The following ATP2B2 variants were observed in gnomAD, a reference collection of about 807,000 sequenced individuals.
ATP2B2 encodes ATPase plasma membrane Ca2+ transporting 2.
A neutral mutation model predicts 120.0 loss-of-function variants in ATP2B2; 15 were observed. The observed-to-expected ratio is 0.12, with a 90% CI of 0.08 to 0.19. The LOEUF is 0.19. Among genes scored for constraint, ATP2B2 ranks in the 10% least tolerant of loss-of-function variants. The pLI is 1.00. For missense variants in ATP2B2, 1,045 were observed against 1,719.8 expected, an observed-to-expected ratio of 0.61 and a Z score of 6.94; for synonymous variants, 694 against 700.3, an observed-to-expected ratio of 0.99 and a Z score of 0.14.
rs772900118 is a variant in ATP2B2, at chr3:10,358,807, C to T, written c.2020G>A (p.Val674Met). 17 of 1,614,134 alleles carry T rather than the reference C, an allele frequency of 1.1e-5. No individual in the cohort carries two copies. The highest frequency in any genetic ancestry group is 5.5e-5 in the South Asian group (5 of 91,090). Residue 674 changes from valine (V) to methionine (M), a missense_variant, in exon 14 of 23, where the codon GTG becomes ATG. Val to Met is a conservative substitution (Grantham distance 21, BLOSUM62 1). Around this residue, in one of 11 missense-constraint regions of ATP2B2, gnomAD observed 343 missense variants for 536.8 expected, o/e 0.64. Coordinates refer to ENST00000360273, the MANE Select transcript of ATP2B2 (RefSeq NM_001001331.4). Reference protein sequence around the residue: ...MACDGLRTICVAYRDFPSSPE... With the variant: ...MACDGLRTICMAYRDFPSSPE... ...CTGCTGGGGAAGTCGCGGTAGGCCA[C>T]GCAGATAGTGCGGAGCCCATCGCAA...
chr3:10,545,703 T>C (rs1031559066), intron 2 of ATP2B2, among the ~76,000 whole-genome samples: 1 of 152,216 alleles, frequency 6.6e-6, no homozygotes, highest in Non-Finnish European at 1.5e-5. Flanking sequence ...AAGATGTTCA[T>C]CATGGTGTTC....
In ATP2B2 at chr3:10,645,062, G is replaced by A. The variant is rs548885664; in HGVS notation, c.-459-25101C>T. ...TGTTGAATGCAAGTTATTCTCAAAT[G>A]GTTTAGGAAAAAAATACTACGTATG... On this transcript the variant is annotated intron_variant, in intron 1 of 21. Coordinates refer to the ATP2B2 transcript ENST00000646379. Among the ~76,000 whole-genome samples, 3 of 152,078 alleles carry A rather than the reference G, an allele frequency of 2.0e-5. No individual in the cohort carries two copies. The South Asian group carries it at 6.2e-4, about 32-fold the overall frequency.
chr3:10,474,027 A>C (rs2065113084), intron 1 of ATP2B2, among the ~76,000 whole-genome samples: 2 of 152,082 alleles, frequency 1.3e-5, no homozygotes, highest in African/African-American at 4.8e-5. Context: ...TGAGATTGAG[A>C]GCAGGGAGGA....
chr3:10,678,598 G>A (rs542544090), intron 1 of ATP2B2, among the ~76,000 whole-genome samples: 5 of 152,312 alleles, frequency 3.3e-5, no homozygotes, highest in Admixed American at 2.0e-4. Flanking sequence ...AAGCCTGGGG[G>A]CCTCTCAGAA....
At chr3:10,624,291 A>G (rs569091409) in intron 1 of ATP2B2, among the ~76,000 whole-genome samples, 1 of 152,280 alleles carries the variant, frequency 6.6e-6, no homozygotes, top group African/African-American at 2.4e-5. Context: ...TAACGTGTGG[A>G]ATTTCACCCC....
intron 2 of ATP2B2, 65 bp downstream of exon 2, chr3:10,449,280 C>T: frequency 6.4e-7 from 1 of 1,554,286 alleles, no homozygotes; most frequent in Non-Finnish European, 8.9e-7. Context: ...GAATATGGTC[C>T]CTGTGGCCAA....
chr3:10,661,276 G>C (rs6442195), intron 1 of ATP2B2, among the ~76,000 whole-genome samples: 33,011 of 151,380 alleles, frequency 0.22, 6,046 homozygotes, highest in African/African-American at 0.5. Context: ...AGAAATAAAG[G>C]GTATTCAATT....
intron 1 of ATP2B2, among the ~76,000 whole-genome samples, chr3:10,669,993 A>G (rs1438080811): frequency 2.0e-5 from 3 of 152,262 alleles, no homozygotes; most frequent in African/African-American, 7.2e-5. Flanking sequence ...TCTGGACTCA[A>G]AAGAAAATTA....
chr3:10,698,833 G>T (rs1418827967), intron 1 of ATP2B2, among the ~76,000 whole-genome samples: 1 of 152,224 alleles, frequency 6.6e-6, no homozygotes, highest in Non-Finnish European at 1.5e-5. Flanking sequence ...TTGCTCCTCT[G>T]TAAAATGGGG....
intron 2 of ATP2B2, among the ~76,000 whole-genome samples, chr3:10,427,766 A>G (rs1350234075): frequency 6.6e-6 from 1 of 152,126 alleles, no homozygotes; most frequent in East Asian, 1.9e-4. Flanking sequence ...TTCTTTTTCC[A>G]GGCCTGGTCT....
chr3:10,588,495 G>A (rs911327399), intron 2 of ATP2B2, among the ~76,000 whole-genome samples: 9 of 152,252 alleles, frequency 5.9e-5, no homozygotes, highest in Admixed American at 2.6e-4. Context: ...TTCCACGGCC[G>A]GGCACTGAGG....
chr3:10,338,051 C>A lies in ATP2B2; in HGVS notation c.3420+125G>T, dbSNP rs1028683225. The A allele has an allele frequency of 5.4e-6, 7 of 1,292,104 alleles. No homozygotes were observed. In the African/African-American group the frequency reaches 1.0e-4, roughly 19 times the overall value. The allele number at this position is 1,292,104 out of a possible 1,614,324, so 80.0% of individuals were successfully genotyped here. ...AGTGGCTGGTGAGAGCTGGCCGGGA[C>A]CCCTCTGTAGCCACCCTCCCTCAGC... On this transcript the variant is annotated intron_variant, in intron 22 of 22. Transcript: ENST00000360273.
At chr3:10,554,410 G>A (rs118111888) in intron 2 of ATP2B2, among the ~76,000 whole-genome samples, 2,996 of 152,224 alleles carry the variant, frequency 0.02, 51 homozygotes, top group Admixed American at 0.04. Context: ...GTGTCTCACC[G>A]CTGACTTTAA....
intron 1 of ATP2B2, among the ~76,000 whole-genome samples, chr3:10,624,047 C>T (rs920753875): frequency 8.5e-5 from 13 of 152,200 alleles, no homozygotes; most frequent in African/African-American, 3.1e-4. Flanking sequence ...CAAGAAGCTT[C>T]CTGTAGCTCC....
intron 2 of ATP2B2, among the ~76,000 whole-genome samples, chr3:10,582,566 C>G (rs1217405676): frequency 6.6e-6 from 1 of 152,170 alleles, no homozygotes; most frequent in Non-Finnish European, 1.5e-5. Context: ...GAATCCTGCA[C>G]GTGTGGTTGG....
intron 1 of ATP2B2, among the ~76,000 whole-genome samples, chr3:10,451,887 T>C (rs1383847149): frequency 6.6e-6 from 1 of 152,230 alleles, no homozygotes; most frequent in Admixed American, 6.5e-5. Context: ...AATACTCCCC[T>C]GCCATTTCTT....
chr3:10,629,768 C>G (rs917600492), intron 1 of ATP2B2, among the ~76,000 whole-genome samples: 3 of 152,258 alleles, frequency 2.0e-5, no homozygotes, highest in African/African-American at 7.2e-5. Context: ...TTTCCCACTT[C>G]CTGCCAAGTA....
upstream of ATP2B2, chr3:10,505,620 C>T (rs1205913568): frequency 1.6e-5 from 2 of 123,654 alleles, no homozygotes; most frequent in Non-Finnish European, 3.4e-5. Context: ...GGGCGGGGGG[C>T]GGAGGCGCCG....
chr3:10,573,227 C>T (rs1003458668), intron 2 of ATP2B2, among the ~76,000 whole-genome samples: 4 of 151,240 alleles, frequency 2.6e-5, no homozygotes, highest in South Asian at 2.1e-4. Context: ...TATTAAAAGG[C>T]CAATTTGATT....
Sources: allele counts gnomAD v4.1 joint callset (sites outside exome capture counted in the v4.1 genomes callset), GRCh38; gene constraint gnomAD v4.1.1; regional missense constraint gnomAD v4.1.1; transcripts MANE v1.5; gene names NCBI Gene and HGNC (gene_info 2026-07-23, HGNC 2026-07-21).